GALNT2: variants seen among roughly 807,000 people sequenced by gnomAD.
The protein encoded by GALNT2 is polypeptide N-acetylgalactosaminyltransferase 2, also known as UDP-GalNAc:polypeptide N-acetylgalactosaminyltransferase 2.
GALNT2 carries 31 observed loss-of-function variants against 81.4 expected under a neutral mutation model. The observed-to-expected ratio is 0.38, with a 90% CI of 0.29 to 0.51. GALNT2 has a LOEUF of 0.51. Among genes scored for constraint, GALNT2 ranks in the 20% least tolerant of loss-of-function variants. GALNT2 has a pLI of 0.87. For missense variants in GALNT2, 629 were observed against 765.7 expected (o/e 0.82, Z 2.11); for synonymous variants, 303 against 287.4 (o/e 1.05, Z -0.55).
At chr1:230,112,081 C>G (rs996759261) in intron 1 of GALNT2, among the ~76,000 whole-genome samples, 42 of 152,262 alleles carry the variant, frequency 2.8e-4, no homozygotes, top group African/African-American at 9.4e-4. Flanking sequence ...CCTCAGAAGG[C>G]ATGAGAACTG....
chr1:230,268,774 A>T (rs1666098166), intron 14 of GALNT2, among the ~76,000 whole-genome samples: 1 of 152,144 alleles, frequency 6.6e-6, no homozygotes, highest in Non-Finnish European at 1.5e-5. Flanking sequence ...CCTCAGGAGG[A>T]CAGCCTGTGT....
At chr1:230,214,268 A>G (rs1278828859) in intron 3 of GALNT2, among the ~76,000 whole-genome samples, 2 of 152,046 alleles carry the variant, frequency 1.3e-5, no homozygotes, top group African/African-American at 4.8e-5. Flanking sequence ...ACCCACCACC[A>G]TACCTGGCCA....
chr1:230,274,099 C>T (rs1666221227), intron 14 of GALNT2, among the ~76,000 whole-genome samples: 1 of 152,228 alleles, frequency 6.6e-6, no homozygotes, highest in Non-Finnish European at 1.5e-5. Context: ...GCTTGTGCCA[C>T]AGTTTTTACA....
chr1:230,169,513 G>C (rs771182122), intron 1 of GALNT2, among the ~76,000 whole-genome samples: 13 of 152,190 alleles, frequency 8.5e-5, no homozygotes, highest in African/African-American at 3.1e-4. Flanking sequence ...TCATCTGTGC[G>C]TAGCTATAGG....
chr1:230,079,103 T>C (rs1026692752), intron 1 of GALNT2, among the ~76,000 whole-genome samples: 2 of 152,242 alleles, frequency 1.3e-5, no homozygotes, highest in African/African-American at 4.8e-5. Context: ...TCAGGAGCTG[T>C]GGATGACTTG....
rs921782813 is a variant in GALNT2, at chr1:230,275,725, AC to A, written c.1560+1162del. Among the ~76,000 whole-genome samples the A allele has an allele frequency of 2.0e-5, 3 of 151,244 alleles. No homozygotes were observed. Among genetic ancestry groups the A allele is most frequent in the African/African-American group, 7.3e-5 (3 of 41,108 alleles). Reference sequence around the variant, plus strand: ...TATATACACACCACATATACACACCACATATATATATACAAACACCACATAT... The same window carrying A: ...TATATACACACCACATATACACACCAATATATATATACAAACACCACATAT... On this transcript the variant is annotated intron_variant, in intron 15 of 15. Coordinates refer to ENST00000366672, the MANE Select transcript of GALNT2 (RefSeq NM_004481.5). The surrounding 1 kb of genome is among the most constrained non-coding windows in gnomAD (Gnocchi z 5.5).
chr1:230,201,229 AGGCAGCTGTTTATTGG>A (rs1159671121), intron 2 of GALNT2, among the ~76,000 whole-genome samples: 1 of 152,140 alleles, frequency 6.6e-6, no homozygotes, highest in African/African-American at 2.4e-5. Flanking sequence ...CGGCTCCCAC[AGGCAGCTGTTTATTGG>A]GGCCGTGGTA....
Position 230,081,240 on chromosome 1 carries a change from T to TC in GALNT2, c.126+13841dup, listed in dbSNP as rs573176633. The stretch of plus-strand genomic sequence containing the variant: ...GACAGCATGAGGAAGCTGGTCAGGG[T>TC]CCCCCCCAGCTGGTGTGAGGACCGA... On this transcript the variant is annotated intron_variant, in intron 1 of 15. Coordinates refer to ENST00000366672, the MANE Select transcript of GALNT2 (RefSeq NM_004481.5). Among the ~76,000 whole-genome samples, 284 of 151,964 alleles carry TC rather than the reference T, an allele frequency of 1.9e-3. 1 individual carries two copies. The Middle Eastern group carries it at 0.024, about 13-fold the overall frequency.
chr1:230,112,156 G>C (rs1401191364), intron 1 of GALNT2, among the ~76,000 whole-genome samples: 1 of 152,186 alleles, frequency 6.6e-6, no homozygotes, highest in Non-Finnish European at 1.5e-5. Flanking sequence ...CTCCAGGCCA[G>C]GTGGCTGCTT....
At chr1:230,262,206 A>C in intron 11 of GALNT2, 1 of 194,652 alleles carries the variant, frequency 5.1e-6, no homozygotes, top group Non-Finnish European at 1.0e-5. Flanking sequence ...CCCTCTGTGG[A>C]CGCGTAATGT....
intron 1 of GALNT2, among the ~76,000 whole-genome samples, chr1:230,068,008 C>G (rs1180953431): frequency 6.6e-6 from 1 of 152,222 alleles, no homozygotes; most frequent in Non-Finnish European, 1.5e-5. Context: ...CAGTGCGCCC[C>G]TGCGCCCCGA....
In GALNT2 at chr1:230,265,231, T is replaced by C. The variant is rs770438129; in HGVS notation, c.1314-10T>C. Reference sequence around the variant, plus strand: ...GCAGTGAAGCAGGTGATTCTCACGTTGTTTTTCAGGGTTCCAGACCATCAG... The same window carrying C: ...GCAGTGAAGCAGGTGATTCTCACGTCGTTTTTCAGGGTTCCAGACCATCAG... On this transcript the variant is annotated splice_polypyrimidine_tract_variant and intron_variant, in intron 13 of 15. Coordinates refer to ENST00000366672, the MANE Select transcript of GALNT2 (RefSeq NM_004481.5). The C allele has an allele frequency of 5.0e-6, 8 of 1,614,180 alleles. No individual in the cohort carries two copies. The highest frequency in any genetic ancestry group is 6.8e-6 in the Non-Finnish European group (8 of 1,180,026).
rs965961611 is a variant in GALNT2, at chr1:230,185,277, T to C, written c.220+6966T>C. Among the ~76,000 whole-genome samples, 290 of 121,664 alleles carry C rather than the reference T, an allele frequency of 2.4e-3. 1 individual carries two copies. Among genetic ancestry groups the C allele is most frequent in the Middle Eastern group, 4.0e-3 (1 of 250 alleles). 79.8% of individuals were successfully genotyped at this position (121,664 alleles called of 152,430 possible). ...TCTTTAAACTGTGCGTGCGTGCGTG[T>C]GTGTGTGTGTGTGTGTGTGTGTGTG... On this transcript the variant is annotated intron_variant, in intron 2 of 15. Coordinates refer to ENST00000366672, the MANE Select transcript of GALNT2 (RefSeq NM_004481.5).
chr1:230,248,940 C>A (rs1665457644), intron 8 of GALNT2, among the ~76,000 whole-genome samples: 1 of 152,160 alleles, frequency 6.6e-6, no homozygotes. Context: ...GCCTGACTCA[C>A]ATTTTCTTTA....
chr1:230,277,200 T>G (rs1028087704), intron 15 of GALNT2, among the ~76,000 whole-genome samples: 4 of 152,270 alleles, frequency 2.6e-5, no homozygotes, highest in Admixed American at 2.6e-4. Context: ...ACTCAGGCTA[T>G]TAGAGAGGAT....
intron 1 of GALNT2, among the ~76,000 whole-genome samples, chr1:230,169,490 A>T (rs1408407789): frequency 6.6e-6 from 1 of 152,214 alleles, no homozygotes; most frequent in Non-Finnish European, 1.5e-5. Context: ...TGGCTGGGTC[A>T]CCGATGGCCA....
chr1:230,261,081 C>CT (rs60478941), intron 11 of GALNT2, among the ~76,000 whole-genome samples: 11,704 of 130,326 alleles, frequency 0.09, 865 homozygotes, highest in East Asian at 0.27. Flanking sequence ...TAAAGTTTCT[C>CT]TTTTTTTTTT....
rs188617779 is a variant in GALNT2, at chr1:230,099,013, C to T, written c.126+31607C>T. On this transcript the variant is annotated intron_variant, in intron 1 of 15. Coordinates refer to ENST00000366672, the MANE Select transcript of GALNT2 (RefSeq NM_004481.5). Reference sequence around the variant, plus strand: ...CCCCCTTTAGATGTTCCCGATCGCGCGGAATCACGACATGAGAGGATGAGA... The same window carrying T: ...CCCCCTTTAGATGTTCCCGATCGCGTGGAATCACGACATGAGAGGATGAGA... Among the ~76,000 whole-genome samples, 8 of 152,262 alleles carry T rather than the reference C, an allele frequency of 5.3e-5. 1 individual carries two copies. Among genetic ancestry groups the T allele is most frequent in the South Asian group, 4.1e-4 (2 of 4,828 alleles).
chr1:230,197,884 T>C (rs900942718), intron 2 of GALNT2, among the ~76,000 whole-genome samples: 2 of 151,878 alleles, frequency 1.3e-5, no homozygotes, highest in Admixed American at 6.5e-5. Context: ...CACCCTCTGT[T>C]CCCCCGTGCT....
Sources: gnomAD v4.1 joint callset for allele counts (sites outside exome capture counted in the v4.1 genomes callset) on GRCh38, gnomAD v4.1.1 for gene constraint, Gnocchi (gnomAD v3.1) non-coding constraint, MANE v1.5 for transcripts, NCBI Gene and HGNC (gene_info 2026-07-23, HGNC 2026-07-21) for gene names.